Variants in DNAJC2 observed in about 807,000 individuals in gnomAD.
The protein encoded by DNAJC2 is dnaJ homolog subfamily C member 2.
DNAJC2 carries 32 observed loss-of-function variants against 94.0 expected under a neutral mutation model. The ratio of observed to expected loss-of-function variants is 0.34; its 90% confidence interval spans 0.26 to 0.46. The LOEUF (loss-of-function observed/expected upper bound fraction) is 0.46. Ranked by LOEUF, DNAJC2 falls within the 20% of genes least tolerant of loss-of-function variation. The probability of loss-of-function intolerance (pLI) is 1.00; values close to 1 mark genes in which losing one functional copy is unlikely to be tolerated. For missense variants in DNAJC2, 550 were observed against 719.5 expected, an observed-to-expected ratio of 0.76 and a Z score of 2.69; for synonymous variants, 210 against 229.7, an observed-to-expected ratio of 0.91 and a Z score of 0.77.
chr7:103,316,082 T>C lies in DNAJC2; in HGVS notation c.1434A>G (p.Glu478=), dbSNP rs1466935611. 6.4e-7 allele frequency: 1 copy of C among 1,568,188 alleles called. No homozygotes were observed. The highest frequency in any genetic ancestry group is 1.8e-4 in the Middle Eastern group (1 of 5,696). The change falls in exon 14 of 17, where the codon GAA becomes GAG. Residue 478 remains glutamate (E), a synonymous_variant. Transcript: ENST00000379263. ...GTATGTTCATGTAATTAGCAATAAC[T>C]TCCCATCTGATAGGATATATTATAC... ...LFPAGTNSRW[E]VIANYMNIHS...
In DNAJC2 at chr7:103,316,945, T is replaced by TA; in HGVS notation, c.1311dup (p.Lys438Ter). On this transcript the variant is annotated frameshift_variant, in exon 13 of 17. Transcript: ENST00000379263. LOFTEE classifies it high-confidence loss of function. ...CCACCAGTTGATTTCTCTGTGTTCT[T>TA]AGATGCTTGTCGCATACGAGCCTCA... is the stretch of plus-strand genomic sequence containing the variant. 6.2e-7 allele frequency: 1 copy of TA among 1,614,142 alleles called. No individual in the cohort carries two copies. The highest frequency in any genetic ancestry group is 8.5e-7 in the Non-Finnish European group (1 of 1,180,014).
intron 3 of DNAJC2, among the ~76,000 whole-genome samples, chr7:103,330,538 C>T (rs1322366995): frequency 1.3e-5 from 2 of 152,110 alleles, no homozygotes; most frequent in Non-Finnish European, 2.9e-5. Context: ...CTGAAACCTC[C>T]GCCTCCTGGG....
chr7:103,342,485 A>C lies in DNAJC2; in HGVS notation c.65-531T>G, dbSNP rs150086082. 1.0e-2 allele frequency among the ~76,000 whole-genome samples: 1,504 copies of C among 151,074 alleles called. 18 individuals carry two copies. Among genetic ancestry groups the C allele is most frequent in the Non-Finnish European group, 0.016 (1,072 of 67,818 alleles). ...CATGCCCAGCTAATTTTGTATTTTT[A>C]GTAGAGATGGGGTTTCTCCATGTTG... is the stretch of plus-strand genomic sequence containing the variant. On this transcript the variant is annotated intron_variant, in intron 1 of 16. Coordinates refer to ENST00000379263, the MANE Select transcript of DNAJC2 (RefSeq NM_014377.3).
chr7:103,327,471 G>A lies in DNAJC2; in HGVS notation c.430+185C>T. The A allele has an allele frequency of 7.2e-6, 5 of 699,242 alleles. No individual in the cohort carries two copies. The South Asian group carries it at 8.2e-5, about 12-fold the overall frequency. 43.3% of individuals were successfully genotyped at this position (699,242 alleles called of 1,614,324 possible). ...CCAGGTGTTGCTGATGCTGCTGGCTGGGGACACCTCACTTTGTGTCGTGAG... is the reference window on the plus strand; with the variant it reads ...CCAGGTGTTGCTGATGCTGCTGGCTAGGGACACCTCACTTTGTGTCGTGAG... On this transcript the variant is annotated intron_variant, in intron 4 of 16. Transcript: ENST00000379263.
At chr7:103,314,652 C>T in intron 15 of DNAJC2, 18 of 985,286 alleles carry the variant, frequency 1.8e-5, no homozygotes, top group Non-Finnish European at 2.2e-5. Flanking sequence ...TTGTTACTTA[C>T]CTTTATTAAA....
intron 1 of DNAJC2, 106 bp downstream of exon 1, chr7:103,344,453 G>A (rs892266420): frequency 1.5e-6 from 2 of 1,304,530 alleles, no homozygotes; most frequent in Non-Finnish European, 2.2e-6. Flanking sequence ...CGGCCCCGGG[G>A]CTAGTCGCCA....
chr7:103,313,646 G>A (rs1437133180), intron 15 of DNAJC2: 19 of 985,334 alleles, frequency 1.9e-5, no homozygotes, highest in Non-Finnish European at 1.9e-5. Context: ...AGATTGTGTT[G>A]TAGTGTGGTG....
intron 15 of DNAJC2, chr7:103,313,941 C>T: frequency 3.0e-6 from 3 of 985,326 alleles, no homozygotes; most frequent in South Asian, 9.4e-5. Context: ...TACCAGTAGC[C>T]TGACTACTAC....
chr7:103,312,629 C>T lies in DNAJC2; in HGVS notation c.1806G>A (p.Met602Ile). The T allele has an allele frequency of 1.2e-6, 2 of 1,613,322 alleles. No homozygotes were observed. The highest frequency in any genetic ancestry group is 1.7e-6 in the Non-Finnish European group (2 of 1,179,766). Reference sequence around the variant, plus strand: ...CTTGAGCAGCTTTCTTTGCTTTTACCATCTCGACAAGTTCCTAGGAAGGGA... The same window carrying T: ...CTTGAGCAGCTTTCTTTGCTTTTACTATCTCGACAAGTTCCTAGGAAGGGA... ...CMKRYKELVE[M>I]VKAKKAAQEQ... The change falls in exon 17 of 17, where the codon ATG (methionine) becomes ATA (isoleucine). Residue 602 changes from methionine to isoleucine, a missense_variant. By Grantham distance (10) the Met-to-Ile change is conservative. Transcript: ENST00000379263.
intron 7 of DNAJC2, among the ~76,000 whole-genome samples, chr7:103,323,316 T>A (rs532032813): frequency 2.0e-5 from 3 of 152,158 alleles, no homozygotes; most frequent in African/African-American, 7.2e-5. Flanking sequence ...AAAAAAAAAA[T>A]TAATAAAACC....
At chr7:103,329,566 G>A (rs1466556079) in intron 3 of DNAJC2, 4 of 152,048 alleles carry the variant, frequency 2.6e-5, no homozygotes, top group African/African-American at 9.7e-5. Flanking sequence ...CCTATAGACT[G>A]AAAAAATTTT....
intron 15 of DNAJC2, chr7:103,314,111 A>G: frequency 1.0e-6 from 1 of 985,426 alleles, no homozygotes; most frequent in Non-Finnish European, 1.2e-6. Flanking sequence ...TAAGGTGCCT[A>G]AGAAGCTTTT....
Position 103,312,634 on chromosome 7 carries a change from C to T in DNAJC2, c.1801G>A (p.Glu601Lys), listed in dbSNP as rs184300996. ...DCMKRYKELV[E>K]MVKAKKAAQE... ...GCAGCTTTCTTTGCTTTTACCATCTCGACAAGTTCCTAGGAAGGGAGAAAG... is the reference window on the plus strand; with the variant it reads ...GCAGCTTTCTTTGCTTTTACCATCTTGACAAGTTCCTAGGAAGGGAGAAAG... Residue 601 changes from glutamate to lysine, a missense_variant, in exon 17 of 17, where the codon GAG (glutamate) becomes AAG (lysine). This residue lies in a region of DNAJC2 where 271 missense variants were observed against 302.6 expected (regional missense o/e 0.90). Transcript: ENST00000379263. 8.1e-6 allele frequency: 13 copies of T among 1,612,998 alleles called. No homozygotes were observed. Among genetic ancestry groups the T allele is most frequent in the Admixed American group, 1.7e-5 (1 of 59,870 alleles).
At chr7:103,328,946 G>GTGAA in intron 3 of DNAJC2, 2 of 1,203,990 alleles carry the variant, frequency 1.7e-6, no homozygotes, top group Non-Finnish European at 2.2e-6. Context: ...AATCACAGAA[G>GTGAA]TGAACTTCAT....
At chr7:103,314,785 A>G (rs1817955440) in intron 15 of DNAJC2, 1 of 304,368 alleles carries the variant, frequency 3.3e-6, no homozygotes, top group Admixed American at 6.5e-5. Flanking sequence ...ATAATAAGCA[A>G]GATTAAAGAA....
chr7:103,318,588 CT>C (rs1202276601), intron 12 of DNAJC2, among the ~76,000 whole-genome samples: 5 of 152,230 alleles, frequency 3.3e-5, no homozygotes, highest in African/African-American at 1.2e-4. Context: ...TCAGCATGTC[CT>C]TTGTGGTGCA....
In DNAJC2 at chr7:103,321,961, C is replaced by T; in HGVS notation, c.1054G>A (p.Glu352Lys). The T allele has an allele frequency of 6.2e-7, 1 of 1,613,388 alleles. No individual in the cohort carries two copies. Among genetic ancestry groups the T allele is most frequent in the Non-Finnish European group, 8.5e-7 (1 of 1,179,542 alleles). The change falls in exon 10 of 17, where the codon GAA becomes AAA. Residue 352 changes from glutamate (E) to lysine (K), a missense_variant. Glu to Lys is a moderately conservative substitution (Grantham distance 56). This residue lies in a region of DNAJC2 where 279 missense variants were observed against 416.9 expected (regional missense o/e 0.67). Coordinates refer to ENST00000379263, the MANE Select transcript of DNAJC2 (RefSeq NM_014377.3). Reference sequence around the variant, plus strand: ...CATGAGTTTCGAAGTTTTTGCCTTTCCTTCTTAATGGCTTTTTTCTGGATA... The same window carrying T: ...CATGAGTTTCGAAGTTTTTGCCTTTTCTTCTTAATGGCTTTTTTCTGGATA... ...KDIQKKAIKKERQKLRNSCKT... is the reference protein window; with the variant it reads ...KDIQKKAIKKKRQKLRNSCKT...
intron 15 of DNAJC2, among the ~76,000 whole-genome samples, chr7:103,315,064 AACAC>A (rs749073734): frequency 6.6e-6 from 1 of 152,136 alleles, no homozygotes; most frequent in Non-Finnish European, 1.5e-5. Context: ...TTTTCTATTC[AACAC>A]ACTAAATTGA....
At chr7:103,342,463 G>A (rs1819409525) in intron 1 of DNAJC2, among the ~76,000 whole-genome samples, 1 of 150,718 alleles carries the variant, frequency 6.6e-6, no homozygotes, top group Admixed American at 6.6e-5. Context: ...GCGCCACCAT[G>A]CCCAGCTAAT....
Sources: gnomAD v4.1 joint callset for allele counts (sites outside exome capture counted in the v4.1 genomes callset) on GRCh38, gnomAD v4.1.1 for gene constraint, gnomAD v4.1.1 regional missense constraint, MANE v1.5 for transcripts, NCBI Gene and HGNC (gene_info 2026-07-23, HGNC 2026-07-21) for gene names.